MACO1: variants seen among roughly 807,000 people sequenced by gnomAD.
The protein encoded by MACO1 is macoilin 1, also known as macoilin.
In MACO1, 14 loss-of-function variants were observed where a neutral mutation model predicts 78.7. The observed-to-expected ratio is 0.18, with a 90% CI of 0.12 to 0.28. The LOEUF (loss-of-function observed/expected upper bound fraction) is 0.28. Ranked by LOEUF, MACO1 falls within the 10% of genes least tolerant of loss-of-function variation. The probability of loss-of-function intolerance (pLI) is 1.00; values close to 1 mark genes in which losing one functional copy is unlikely to be tolerated. For synonymous variants in MACO1, 288 were observed against 291.6 expected (o/e 0.99, Z 0.12); for missense variants, 501 against 799.0 (o/e 0.63, Z 4.50).
chr1:25,483,966 G>C (rs922353820), intron 6 of MACO1, 150 bp from the exon 7 acceptor site: 3 of 709,764 alleles, frequency 4.2e-6, no homozygotes, highest in African/African-American at 3.6e-5. Context: ...AATTAACCCA[G>C]TTGCAGACAG....
chr1:25,452,917 GA>G (rs1453641894), intron 3 of MACO1, among the ~76,000 whole-genome samples: 1 of 151,464 alleles, frequency 6.6e-6, no homozygotes. Context: ...GGCTGGTCTT[GA>G]ACTCCTGACC....
intron 6 of MACO1, among the ~76,000 whole-genome samples, chr1:25,471,739 T>TTAGA (rs1187137254): frequency 6.6e-6 from 1 of 152,220 alleles, no homozygotes; most frequent in African/African-American, 2.4e-5. Flanking sequence ...GAATATCACA[T>TTAGA]TAGACCCAAT....
chr1:25,456,072 A>G (rs1401007767), intron 4 of MACO1, among the ~76,000 whole-genome samples: 1 of 152,146 alleles, frequency 6.6e-6, no homozygotes, highest in East Asian at 1.9e-4. Context: ...ATCCTGGCCA[A>G]CATGGTGAAA....
chr1:25,473,401 G>GC (rs564584795), intron 6 of MACO1, among the ~76,000 whole-genome samples: 6 of 152,124 alleles, frequency 3.9e-5, no homozygotes, highest in Non-Finnish European at 7.4e-5. Flanking sequence ...TATCTAAGAG[G>GC]CCAAACAGGA....
chr1:25,440,010 C>CT (rs35568851), intron 1 of MACO1, among the ~76,000 whole-genome samples: 63,312 of 145,152 alleles, frequency 0.44, 15,023 homozygotes, highest in Non-Finnish European at 0.54. Context: ...AAGCGAAACT[C>CT]TGTCTCAAAA....
intron 6 of MACO1, among the ~76,000 whole-genome samples, chr1:25,462,284 C>A (rs2043178808): frequency 6.6e-6 from 1 of 152,044 alleles, no homozygotes; most frequent in South Asian, 2.1e-4. Context: ...TAAAACTGAT[C>A]TCTCCTTTTT....
intron 6 of MACO1, among the ~76,000 whole-genome samples, chr1:25,467,423 G>C (rs971233639): frequency 1.9e-4 from 29 of 152,204 alleles, no homozygotes; most frequent in African/African-American, 6.5e-4. Context: ...GTTTCTTGTC[G>C]GCAATTGTTA....
Position 25,484,187 on chromosome 1 carries a change from G to A in MACO1, c.1226G>A (p.Ser409Asn). ...AGACAAGTGGAACAAGAGCTCCGCAGTCAGATCAGCTCCCTTTCGAGCACC... is the reference window on the plus strand; with the variant it reads ...AGACAAGTGGAACAAGAGCTCCGCAATCAGATCAGCTCCCTTTCGAGCACC... ...ASRQVEQELR[S>N]QISSLSSTER... The change falls in exon 7 of 11, where the codon AGT becomes AAT. Residue 409 changes from serine to asparagine, a missense_variant. Ser to Asn is a conservative substitution (Grantham distance 46, BLOSUM62 1). This residue lies in a region of MACO1 where 163 missense variants were observed against 271.9 expected (regional missense o/e 0.60). Coordinates refer to ENST00000374343, the MANE Select transcript of MACO1 (RefSeq NM_018202.6). The A allele has an allele frequency of 1.2e-6, 2 of 1,614,084 alleles. No individual in the cohort carries two copies. The highest frequency in any genetic ancestry group is 1.7e-4 in the Middle Eastern group (1 of 6,060).
chr1:25,441,491 A>C (rs1335572907), intron 1 of MACO1, among the ~76,000 whole-genome samples: 2 of 152,196 alleles, frequency 1.3e-5, no homozygotes. Context: ...GGCCTCAACA[A>C]ATATTTTTTG....
intron 6 of MACO1, among the ~76,000 whole-genome samples, chr1:25,469,464 G>C (rs1030688681): frequency 8.5e-5 from 13 of 152,082 alleles, no homozygotes; most frequent in Non-Finnish European, 1.8e-4. Context: ...TAAAAGGGCA[G>C]ATGAAGATAG....
At chr1:25,470,447 G>A (rs923352554) in intron 6 of MACO1, among the ~76,000 whole-genome samples, 3 of 152,182 alleles carry the variant, frequency 2.0e-5, no homozygotes, top group African/African-American at 7.2e-5. Flanking sequence ...TGACCATTGG[G>A]TTGAAGCAAG....
intron 6 of MACO1, among the ~76,000 whole-genome samples, chr1:25,459,560 C>T (rs1395180869): frequency 4.0e-5 from 6 of 151,632 alleles, no homozygotes; most frequent in African/African-American, 1.2e-4. Flanking sequence ...CTGCAACCTC[C>T]GCCTCCTGGC....
intron 7 of MACO1, 36 bp downstream of exon 7, chr1:25,484,310 G>T (rs751338229): frequency 6.5e-7 from 1 of 1,541,532 alleles, no homozygotes; most frequent in Non-Finnish European, 8.7e-7. Flanking sequence ...CCGTAAGCCC[G>T]GCAGCTTCAC....
At chr1:25,466,896 C>A (rs1174149970) in intron 6 of MACO1, among the ~76,000 whole-genome samples, 1 of 151,998 alleles carries the variant, frequency 6.6e-6, no homozygotes, top group African/African-American at 2.4e-5. Context: ...AAATCATTTT[C>A]TCAACTTAGT....
chr1:25,473,011 G>T (rs1293030542), intron 6 of MACO1, among the ~76,000 whole-genome samples: 4 of 152,040 alleles, frequency 2.6e-5, no homozygotes, highest in Non-Finnish European at 5.9e-5. Flanking sequence ...ATTATCAAGT[G>T]GGAAAAAATA....
intron 1 of MACO1, among the ~76,000 whole-genome samples, chr1:25,442,147 G>A (rs1372045974): frequency 1.3e-5 from 2 of 152,202 alleles, no homozygotes; most frequent in African/African-American, 4.8e-5. Flanking sequence ...TGCTAGTCCA[G>A]AGACCAATAC....
rs903551006 is a variant in MACO1 at position 25,485,452 on chromosome 1, TA to T, written c.1314-159del. Among the ~76,000 whole-genome samples, 1 of 152,234 alleles carries T rather than the reference TA, an allele frequency of 6.6e-6. No homozygotes were observed. Among genetic ancestry groups the T allele is most frequent in the African/African-American group, 2.4e-5 (1 of 41,466 alleles). On this transcript the variant is annotated intron_variant, in intron 7 of 10. Transcript: ENST00000374343. This position sits in a 1 kb window ranked among gnomAD's most constrained non-coding sequence, Gnocchi z 4.3. ...TTGGTGTTTAGGAATTATTAAAGAATAACAGTGTGTTTTCCTCAGGCATTCT... is the reference window on the plus strand; with the variant it reads ...TTGGTGTTTAGGAATTATTAAAGAATACAGTGTGTTTTCCTCAGGCATTCT...
chr1:25,492,775 T>G (rs1038001636), intron 10 of MACO1, among the ~76,000 whole-genome samples: 14 of 152,108 alleles, frequency 9.2e-5, no homozygotes, highest in Non-Finnish European at 2.1e-4. Context: ...AGTACTAAAT[T>G]GAGTATAGTA....
intron 3 of MACO1, among the ~76,000 whole-genome samples, chr1:25,452,592 G>GAA: frequency 6.6e-6 from 1 of 152,058 alleles, no homozygotes; most frequent in South Asian, 2.1e-4. Context: ...TCATTCTTTA[G>GAA]GAACCTTCAA....
Sources: allele counts gnomAD v4.1 joint callset (sites outside exome capture counted in the v4.1 genomes callset), GRCh38; gene constraint gnomAD v4.1.1; regional missense constraint gnomAD v4.1.1; non-coding constraint Gnocchi (gnomAD v3.1); transcripts MANE v1.5; gene names NCBI Gene and HGNC (gene_info 2026-07-23, HGNC 2026-07-21).